Variants in COPS5 observed in about 807,000 individuals in gnomAD.
COPS5 encodes COP9 signalosome complex subunit 5.
COPS5 carries 8 observed loss-of-function variants against 44.4 expected under a neutral mutation model. That is an observed-to-expected ratio of 0.18 (90% CI 0.11 to 0.32). The LOEUF is 0.32. Ranked by LOEUF, COPS5 falls within the 10% of genes least tolerant of loss-of-function variation. The probability of loss-of-function intolerance (pLI) is 1.00; values close to 1 mark genes in which losing one functional copy is unlikely to be tolerated. For missense variants in COPS5, 159 were observed against 406.4 expected (o/e 0.39, Z 5.23); for synonymous variants, 122 against 142.8 (o/e 0.85, Z 1.04).
intron 7 of COPS5, 135 bp downstream of exon 7, chr8:67,045,677 C>T (rs1816692218): frequency 4.5e-6 from 4 of 883,764 alleles, no homozygotes; most frequent in African/African-American, 3.4e-5. Flanking sequence ...CTAAAGTTTC[C>T]AAGAAGTTAA....
chr8:67,050,754 A>G (rs997051049), intron 6 of COPS5, among the ~76,000 whole-genome samples: 1 of 142,990 alleles, frequency 7.0e-6, no homozygotes, highest in Non-Finnish European at 1.5e-5. Context: ...GATGAAATCA[A>G]TGCTAAGAGA....
intron 2 of COPS5, 52 bp from the exon 3 acceptor site, chr8:67,058,263 A>C: frequency 6.3e-7 from 1 of 1,580,882 alleles, no homozygotes; most frequent in Non-Finnish European, 8.7e-7. Flanking sequence ...ATTAATTTAC[A>C]AGGTACCAGT....
rs1804650273 is a variant in COPS5 at position 67,061,935 on chromosome 8, TCCTGCATGTTGTTGG to T, written c.47_61del (p.Ala16_Gln20del). On this transcript the variant is annotated inframe_deletion, in exon 1 of 8. Transcript: ENST00000357849. The stretch of plus-strand genomic sequence containing the variant: ...GTAGATTTCATCGATACTCTGAGCT[TCCTGCATGTTGTTGG>T]CCAGTTCCCAGGTTTTCTGGGCCAT... 2 of 1,614,120 alleles carry T rather than the reference TCCTGCATGTTGTTGG, an allele frequency of 1.2e-6. No homozygotes were observed. Among genetic ancestry groups the T allele is most frequent in the South Asian group, 2.2e-5 (2 of 91,092 alleles).
intron 6 of COPS5, among the ~76,000 whole-genome samples, chr8:67,050,247 C>T (rs1016734461): frequency 2.0e-5 from 3 of 151,972 alleles, no homozygotes; most frequent in Non-Finnish European, 2.9e-5. Context: ...ATGATCCGCC[C>T]GCCTCGGCCT....
intron 5 of COPS5, among the ~76,000 whole-genome samples, chr8:67,052,157 G>A (rs890359454): frequency 6.6e-6 from 1 of 152,098 alleles, no homozygotes; most frequent in Non-Finnish European, 1.5e-5. Flanking sequence ...TCATATAGAG[G>A]AGCTCAAGCT....
intron 1 of COPS5, chr8:67,060,273 G>T: frequency 1.0e-6 from 1 of 993,652 alleles, no homozygotes; most frequent in Non-Finnish European, 1.3e-6. Flanking sequence ...GCCACAATTA[G>T]ACAGTGAGGC....
intron 6 of COPS5, among the ~76,000 whole-genome samples, chr8:67,050,547 A>AGTGAG (rs1804387839): frequency 6.9e-6 from 1 of 144,112 alleles, no homozygotes; most frequent in African/African-American, 2.7e-5. Context: ...GCCCGGAAAT[A>AGTGAG]TGTGAGTGTG....
At chr8:67,047,579 G>A (rs774032252) in intron 6 of COPS5, 25 of 400,244 alleles carry the variant, frequency 6.2e-5, no homozygotes, top group Non-Finnish European at 8.5e-5. Context: ...TATAATTAAC[G>A]TCCTTAGCTG....
intron 5 of COPS5, among the ~76,000 whole-genome samples, chr8:67,054,707 C>T (rs765855442): frequency 1.3e-5 from 2 of 152,214 alleles, no homozygotes; most frequent in East Asian, 1.9e-4. Flanking sequence ...AGTAGTAGCA[C>T]ATGGGTAGCC....
Position 67,043,249 on chromosome 8 carries a change from T to G in COPS5, c.989A>C (p.Gln330Pro). The part of the protein sequence containing the change: ...SQVIKDKLFN[Q>P]INIS The stretch of plus-strand genomic sequence containing the variant: ...AGAGACTGTTTAAGAGATGTTAATT[T>G]GATTAAACAGTTTATCCTTAATAAC... Residue 330 changes from glutamine to proline, a missense_variant, in exon 8 of 8, where the codon CAA becomes CCA. Gln to Pro is a moderately conservative substitution (Grantham distance 76, BLOSUM62 -1). This residue lies in a region of COPS5 where 134 missense variants were observed against 376.7 expected (regional missense o/e 0.36). Coordinates refer to ENST00000357849, the MANE Select transcript of COPS5 (RefSeq NM_006837.3). The G allele has an allele frequency of 6.4e-7, 1 of 1,570,974 alleles. No homozygotes were observed. Among genetic ancestry groups the G allele is most frequent in the Non-Finnish European group, 8.7e-7 (1 of 1,143,434 alleles).
chr8:67,059,211 C>G lies in COPS5; in HGVS notation c.378G>C (p.Gln126His), dbSNP rs759117469. ...YMAAYIENAK[Q>H]VGRLENAIGW... ...AAACTATAAGAAACAACATTTTTACCTGTTTTGCATTTTCTATGTATGCAG... is the reference window on the plus strand; with the variant it reads ...AAACTATAAGAAACAACATTTTTACGTGTTTTGCATTTTCTATGTATGCAG... The change falls in exon 2 of 8, where the codon CAG becomes CAC. Residue 126 changes from glutamine (Q) to histidine (H), a missense_variant and splice_region_variant. Around this residue, in one of 2 missense-constraint regions of COPS5, gnomAD observed 134 missense variants for 376.7 expected, o/e 0.36. Transcript: ENST00000357849. 6.2e-7 allele frequency: 1 copy of G among 1,610,016 alleles called. No individual in the cohort carries two copies. The highest frequency in any genetic ancestry group is 8.5e-7 in the Non-Finnish European group (1 of 1,176,480).
intron 5 of COPS5, among the ~76,000 whole-genome samples, chr8:67,051,614 G>A (rs1804415352): frequency 1.3e-5 from 2 of 152,112 alleles, no homozygotes; most frequent in Non-Finnish European, 2.9e-5. Context: ...ACTTCTGAAT[G>A]ACAAGTTTAT....
In COPS5 at chr8:67,061,624, C is replaced by G. The variant is rs1804630903; in HGVS notation, c.143+230G>C. 3 of 544,782 alleles carry G rather than the reference C, an allele frequency of 5.5e-6. No individual in the cohort carries two copies. The Admixed American group carries it at 9.3e-5, about 17-fold the overall frequency. The allele number at this position is 544,782 out of a possible 1,614,324, so 33.7% of individuals were successfully genotyped here. On this transcript the variant is annotated intron_variant, in intron 1 of 7. Transcript: ENST00000357849. ...GTTCAGAAGTGACAACTTAAATCAC[C>G]GCTTGTTGTTCTCCCCTTACATCAC...
chr8:67,052,518 A>G (rs1489169671), intron 5 of COPS5, among the ~76,000 whole-genome samples: 1 of 151,074 alleles, frequency 6.6e-6, no homozygotes, highest in African/African-American at 2.4e-5. Flanking sequence ...CCCGGGTTCA[A>G]GCGATTCTCC....
At chr8:67,057,466 A>G (rs1248088894) in intron 3 of COPS5, 21 bp from the exon 4 acceptor site, 20 of 1,511,808 alleles carry the variant, frequency 1.3e-5, no homozygotes, top group Non-Finnish European at 1.6e-5. Flanking sequence ...GATATATTTA[A>G]TATCTGCTGA....
intron 6 of COPS5, among the ~76,000 whole-genome samples, chr8:67,047,118 C>A (rs1816711233): frequency 6.6e-6 from 1 of 152,102 alleles, no homozygotes; most frequent in African/African-American, 2.4e-5. Context: ...CATTATATTT[C>A]TTTCCTAGAT....
chr8:67,062,126 T>C lies in COPS5; in HGVS notation c.-130A>G, dbSNP rs532388929. 4 of 1,547,264 alleles carry C rather than the reference T, an allele frequency of 2.6e-6. No homozygotes were observed. The African/African-American group carries it at 5.4e-5, about 21-fold the overall frequency. On this transcript the variant is annotated 5_prime_UTR_variant, in exon 1 of 8. The change abolishes an upstream ATG in the 5' untranslated region. Transcript: ENST00000357849. The stretch of plus-strand genomic sequence containing the variant: ...CTTACCTAGACTCTTGGGGCAGCCA[T>C]GACACCTAGAACCGGAGGTGAAGTT...
chr8:67,059,126 G>A, intron 2 of COPS5, 85 bp downstream of exon 2: 3 of 791,412 alleles, frequency 3.8e-6, no homozygotes, highest in Non-Finnish European at 6.2e-6. Context: ...TTCATGTAAA[G>A]GGGATAATTT....
At chr8:67,053,562 G>A (rs1804450853) in intron 5 of COPS5, among the ~76,000 whole-genome samples, 1 of 151,306 alleles carries the variant, frequency 6.6e-6, no homozygotes, top group Non-Finnish European at 1.5e-5. Context: ...TTAGCTGGGT[G>A]TGGTGGTGTG....
Sources: gnomAD v4.1 joint callset for allele counts (sites outside exome capture counted in the v4.1 genomes callset) on GRCh38, gnomAD v4.1.1 for gene constraint, gnomAD v4.1.1 regional missense constraint, MANE v1.5 for transcripts, NCBI Gene and HGNC (gene_info 2026-07-23, HGNC 2026-07-21) for gene names.